Variants in FOXN3 observed in about 807,000 individuals in gnomAD.
FOXN3 encodes forkhead box N3, also known as forkhead box protein N3.
FOXN3 carries 7 observed loss-of-function variants against 38.4 expected under a neutral mutation model. That is an observed-to-expected ratio of 0.18 (90% CI 0.10 to 0.34). The LOEUF is 0.34. Ranked by LOEUF, FOXN3 falls within the 10% of genes least tolerant of loss-of-function variation. FOXN3 has a pLI of 1.00. For synonymous variants in FOXN3, 230 were observed against 242.2 expected, an observed-to-expected ratio of 0.95 and a Z score of 0.47; for missense variants, 456 against 613.4, an observed-to-expected ratio of 0.74 and a Z score of 2.71.
At chr14:89,500,132 C>T (rs1278078861) in intron 1 of FOXN3, among the ~76,000 whole-genome samples, 1 of 152,110 alleles carries the variant, frequency 6.6e-6, no homozygotes, top group Admixed American at 6.5e-5. Context: ...GGGTTACAGG[C>T]GTGAGCCACC....
intron 2 of FOXN3, among the ~76,000 whole-genome samples, chr14:89,366,572 C>T (rs965935178): frequency 6.6e-6 from 1 of 152,212 alleles, no homozygotes; most frequent in African/African-American, 2.4e-5. Flanking sequence ...ATTCACCACT[C>T]ATTGCATTTA....
At chr14:89,368,153 A>AC (rs1566970096) in intron 2 of FOXN3, among the ~76,000 whole-genome samples, 1 of 151,594 alleles carries the variant, frequency 6.6e-6, no homozygotes, top group Non-Finnish European at 1.5e-5. Flanking sequence ...ACATGGTGAA[A>AC]CCCCGTCTCT....
intron 2 of FOXN3, among the ~76,000 whole-genome samples, chr14:89,365,973 C>T (rs777230618): frequency 6.6e-6 from 1 of 152,074 alleles, no homozygotes; most frequent in South Asian, 2.1e-4. Context: ...TATTATAGGC[C>T]GAGCCCAGTG....
chr14:89,434,418 C>A (rs775923309), intron 1 of FOXN3, among the ~76,000 whole-genome samples: 1 of 151,918 alleles, frequency 6.6e-6, no homozygotes, highest in Non-Finnish European at 1.5e-5. Context: ...TTAGTAAAGA[C>A]AGTGTTTCAC....
At chr14:89,554,891 C>T (rs545511790) in intron 1 of FOXN3, among the ~76,000 whole-genome samples, 2 of 146,750 alleles carry the variant, frequency 1.4e-5, no homozygotes, top group African/African-American at 5.0e-5. Context: ...CAGGTTCAAG[C>T]GATTCTCCTG....
Position 89,363,947 on chromosome 14 carries a change from AATATAT to A in FOXN3, c.544-13145_544-13140del, listed in dbSNP as rs67802765. Among the ~76,000 whole-genome samples, 629 of 111,280 alleles carry A rather than the reference AATATAT, an allele frequency of 5.7e-3. 7 individuals are homozygous for A. The highest frequency in any genetic ancestry group is 0.011 in the East Asian group (48 of 4,458). 73.0% of individuals were successfully genotyped at this position (111,280 alleles called of 152,430 possible). A position where few individuals can be genotyped will look rare whatever the true frequency, so the allele number is the denominator to read the frequency against. On this transcript the variant is annotated intron_variant, in intron 2 of 5. Transcript: ENST00000557258. ...TAACTGAGCAAGACCCTGTCTGTAA[AATATAT>A]ATATATATATATATATATATATATA...
chr14:89,389,482 C>A (rs1012304315), intron 2 of FOXN3, among the ~76,000 whole-genome samples: 9 of 152,214 alleles, frequency 5.9e-5, no homozygotes, highest in African/African-American at 2.2e-4. Flanking sequence ...TGATTTCCCT[C>A]TTTCTCAATT....
At chr14:89,452,869 T>C (rs1165659342) in intron 1 of FOXN3, among the ~76,000 whole-genome samples, 1 of 152,182 alleles carries the variant, frequency 6.6e-6, no homozygotes, top group Non-Finnish European at 1.5e-5. Context: ...CTTAAACTCC[T>C]TGTACTTTGG....
chr14:89,364,326 TAATA>T (rs932143458), intron 2 of FOXN3: 8 of 147,202 alleles, frequency 5.4e-5, no homozygotes, highest in African/African-American at 2.0e-4. Flanking sequence ...CCTTGCTCTC[TAATA>T]GTTTCTTTTT....
chr14:89,552,478 C>T (rs1895025139), intron 1 of FOXN3, among the ~76,000 whole-genome samples: 1 of 152,180 alleles, frequency 6.6e-6, no homozygotes, highest in African/African-American at 2.4e-5. Context: ...GGTTTTTACT[C>T]TAAATTGTCT....
chr14:89,244,784 G>C (rs1241376468), intron 4 of FOXN3, among the ~76,000 whole-genome samples: 3 of 152,212 alleles, frequency 2.0e-5, no homozygotes, highest in Non-Finnish European at 4.4e-5. Context: ...AGTTTCTGGA[G>C]AGAGGCTACA....
At chr14:89,416,243 G>T (rs1434541608) in intron 1 of FOXN3, among the ~76,000 whole-genome samples, 1 of 152,184 alleles carries the variant, frequency 6.6e-6, no homozygotes, top group Non-Finnish European at 1.5e-5. Flanking sequence ...GGCGTTGCCG[G>T]GCAACGGGGG....
chr14:89,315,379 G>A (rs898492056), intron 3 of FOXN3, among the ~76,000 whole-genome samples: 8 of 152,076 alleles, frequency 5.3e-5, no homozygotes, highest in Non-Finnish European at 8.8e-5. Flanking sequence ...AAATAAGATC[G>A]TTACAACGAG....
intron 2 of FOXN3, among the ~76,000 whole-genome samples, chr14:89,390,238 AT>A (rs1314003523): frequency 2.7e-5 from 4 of 149,678 alleles, no homozygotes; most frequent in African/African-American, 9.8e-5. Flanking sequence ...AAAAAAAAAA[AT>A]ATGCACTGGG....
At chr14:89,549,441 C>G (rs138406410) in intron 1 of FOXN3, among the ~76,000 whole-genome samples, 1 of 152,104 alleles carries the variant, frequency 6.6e-6, no homozygotes, top group Non-Finnish European at 1.5e-5. Flanking sequence ...CCAATTACAA[C>G]GACATTCGAA....
rs1319268199 is a variant in FOXN3, at chr14:89,254,909, C to T, written c.745+26041G>A. 4.6e-5 allele frequency among the ~76,000 whole-genome samples: 7 copies of T among 152,240 alleles called. No homozygotes were observed. In the South Asian group the frequency reaches 1.0e-3, roughly 22 times the overall value. On this transcript the variant is annotated intron_variant, in intron 4 of 5. Coordinates refer to ENST00000557258, the MANE Select transcript of FOXN3 (RefSeq NM_005197.4). ...CTGTTGTCCACTCCCCCACTAACGACGCACTTAGCAGCACTTAGCAGAGAT... is the reference window on the plus strand; with the variant it reads ...CTGTTGTCCACTCCCCCACTAACGATGCACTTAGCAGCACTTAGCAGAGAT...
intron 2 of FOXN3, among the ~76,000 whole-genome samples, chr14:89,359,231 G>A (rs1025973624): frequency 3.3e-5 from 5 of 151,920 alleles, no homozygotes; most frequent in African/African-American, 9.7e-5. Flanking sequence ...AGGAGGTGGA[G>A]GTTGCAGTGA....
chr14:89,218,162 T>G (rs144213459), intron 4 of FOXN3, among the ~76,000 whole-genome samples: 4 of 152,322 alleles, frequency 2.6e-5, no homozygotes, highest in Non-Finnish European at 2.9e-5. Context: ...CTCTCCGCCA[T>G]GCCTGCACCT....
At chr14:89,460,608 G>A (rs1202572718) in intron 1 of FOXN3, among the ~76,000 whole-genome samples, 1 of 152,032 alleles carries the variant, frequency 6.6e-6, no homozygotes, top group Non-Finnish European at 1.5e-5. Flanking sequence ...TCCATCCAAA[G>A]GATGGAACAT....
Sources: gnomAD v4.1 joint callset for allele counts (sites outside exome capture counted in the v4.1 genomes callset) on GRCh38, gnomAD v4.1.1 for gene constraint, MANE v1.5 for transcripts, NCBI Gene and HGNC (gene_info 2026-07-23, HGNC 2026-07-21) for gene names.